LRRTM3: variants seen among roughly 807,000 people sequenced by gnomAD.
LRRTM3 encodes leucine rich repeat transmembrane neuronal 3, also known as leucine-rich repeat transmembrane neuronal protein 3.
In LRRTM3, 24 loss-of-function variants were observed where a neutral mutation model predicts 44.7. The ratio of observed to expected loss-of-function variants is 0.54; its 90% CI spans 0.39 to 0.76. The LOEUF is 0.76. Among genes scored for constraint, LRRTM3 ranks in the 30% least tolerant of loss-of-function variants. The pLI, the probability that LRRTM3 is intolerant of heterozygous loss-of-function variation, is 0.00. For missense variants in LRRTM3, 587 were observed against 702.2 expected (o/e 0.84, Z 1.85); for synonymous variants, 277 against 278.7 (o/e 0.99, Z 0.06).
rs1161340184 is a variant in LRRTM3 at position 66,928,309 on chromosome 10, A to G, written c.1393A>G (p.Lys465Glu). ...CCTCATGCGAAGGCACAGGAAAAAG[A>G]AAAGACAGTCCCTAAAGCAAATGAC... Reference protein sequence around the residue: ...RSLMRRHRKKKRQSLKQMTPS... With the variant: ...RSLMRRHRKKERQSLKQMTPS... The change falls in exon 2 of 3, where the codon AAA (lysine) becomes GAA (glutamate). Residue 465 changes from lysine to glutamate, a missense_variant. Physicochemically the swap from Lys to Glu is moderately conservative, Grantham distance 56. Coordinates refer to ENST00000361320, the MANE Select transcript of LRRTM3 (RefSeq NM_178011.5). The G allele has an allele frequency of 6.2e-7, 1 of 1,614,074 alleles. No individual in the cohort carries two copies. Among genetic ancestry groups the G allele is most frequent in the African/African-American group, 1.3e-5 (1 of 74,932 alleles).
chr10:67,011,067 C>T (rs747061546), intron 2 of LRRTM3, among the ~76,000 whole-genome samples: 1 of 152,082 alleles, frequency 6.6e-6, no homozygotes, highest in Non-Finnish European at 1.5e-5. Context: ...CGGTGGCTCA[C>T]GCCTGTAATC....
chr10:67,001,713 T>G (rs1851701460), intron 2 of LRRTM3, among the ~76,000 whole-genome samples: 2 of 152,080 alleles, frequency 1.3e-5, no homozygotes, highest in African/African-American at 4.8e-5. Flanking sequence ...AAACTGTGAT[T>G]TACATACATC....
At chr10:66,994,709 G>A (rs1423587727) in intron 2 of LRRTM3, among the ~76,000 whole-genome samples, 2 of 152,088 alleles carry the variant, frequency 1.3e-5, no homozygotes, top group Non-Finnish European at 2.9e-5. Context: ...ATTAAGATAA[G>A]GAATAGCTTG....
chr10:66,941,411 A>AAT (rs1847986715), intron 2 of LRRTM3, among the ~76,000 whole-genome samples: 1 of 152,222 alleles, frequency 6.6e-6, no homozygotes, highest in Admixed American at 6.5e-5. Flanking sequence ...CTGCCAGGAG[A>AAT]ATATCTTAGG....
At chr10:67,049,984 G>T (rs7901878) in intron 2 of LRRTM3, among the ~76,000 whole-genome samples, 98,258 of 152,050 alleles carry the variant, frequency 0.65, 32,189 homozygotes, top group East Asian at 0.78. Flanking sequence ...ATCTTTAAAT[G>T]TATTATTTAA....
intron 2 of LRRTM3, among the ~76,000 whole-genome samples, chr10:66,983,262 A>C (rs1028517226): frequency 6.6e-6 from 1 of 152,150 alleles, no homozygotes; most frequent in Non-Finnish European, 1.5e-5. Flanking sequence ...GCCCCCTCCC[A>C]GCCATGTTCC....
At chr10:67,024,433 G>A (rs185317366) in intron 2 of LRRTM3, among the ~76,000 whole-genome samples, 4 of 152,252 alleles carry the variant, frequency 2.6e-5, no homozygotes, top group African/African-American at 7.2e-5. Context: ...TAATTGTTCT[G>A]CAAAATCTCT....
At chr10:66,993,478 T>C (rs528106287) in intron 2 of LRRTM3, among the ~76,000 whole-genome samples, 1 of 152,268 alleles carries the variant, frequency 6.6e-6, no homozygotes, top group African/African-American at 2.4e-5. Flanking sequence ...AACAATCTAT[T>C]GCATTCTGGC....
rs528579784 is a variant in LRRTM3, at chr10:66,974,390, G to T, written c.1536+45938G>T. ...TGTATTCCTATACAGCACACTTTAC[G>T]CATTCACCTGTTGGTGTTGATGGAC... On this transcript the variant is annotated intron_variant, in intron 2 of 2. Transcript: ENST00000361320. Among the ~76,000 whole-genome samples, 12 of 152,248 alleles carry T rather than the reference G, an allele frequency of 7.9e-5. No individual in the cohort carries two copies. The South Asian group carries it at 1.9e-3, about 24-fold the overall frequency.
chr10:67,039,080 G>T (rs1288234673), intron 2 of LRRTM3, among the ~76,000 whole-genome samples: 1 of 151,976 alleles, frequency 6.6e-6, no homozygotes, highest in Non-Finnish European at 1.5e-5. Context: ...TATTTTTACA[G>T]TTTCTACCTG....
At chr10:67,023,586 G>A (rs913148355) in intron 2 of LRRTM3, among the ~76,000 whole-genome samples, 2 of 152,126 alleles carry the variant, frequency 1.3e-5, no homozygotes, top group African/African-American at 4.8e-5. Context: ...TGTCAGACAA[G>A]GTGATGATCC....
intron 2 of LRRTM3, among the ~76,000 whole-genome samples, chr10:67,064,171 C>A: frequency 6.6e-6 from 1 of 152,078 alleles, no homozygotes; most frequent in East Asian, 1.9e-4. Flanking sequence ...ACTTATCTTT[C>A]ATCTTACATC....
At chr10:67,064,525 G>T (rs559732941) in intron 2 of LRRTM3, among the ~76,000 whole-genome samples, 37 of 152,104 alleles carry the variant, frequency 2.4e-4, no homozygotes, top group Admixed American at 3.9e-4. Context: ...TTATTAGTCA[G>T]CAAGCTTTCT....
intron 2 of LRRTM3, among the ~76,000 whole-genome samples, chr10:67,079,249 C>T (rs140901147): frequency 1.3e-5 from 2 of 152,220 alleles, no homozygotes; most frequent in East Asian, 3.9e-4. Flanking sequence ...TGTTATAGAA[C>T]AAGGGGAAGA....
intron 2 of LRRTM3, among the ~76,000 whole-genome samples, chr10:67,049,872 T>A (rs1490589793): frequency 1.3e-5 from 2 of 152,212 alleles, no homozygotes; most frequent in Non-Finnish European, 2.9e-5. Context: ...ACATTTTGTA[T>A]TAGCCTATGT....
chr10:66,949,799 C>T (rs920230371), intron 2 of LRRTM3, among the ~76,000 whole-genome samples: 51 of 150,924 alleles, frequency 3.4e-4, no homozygotes, highest in African/African-American at 1.2e-3. Flanking sequence ...CCAATGCACA[C>T]CTAAAAGGAT....
intron 2 of LRRTM3, among the ~76,000 whole-genome samples, chr10:66,967,397 T>C (rs1849488552): frequency 6.6e-6 from 1 of 151,790 alleles, no homozygotes; most frequent in Non-Finnish European, 1.5e-5. Flanking sequence ...TATGTGTATA[T>C]ACATATATAC....
chr10:67,058,158 T>C (rs925315670), intron 2 of LRRTM3, among the ~76,000 whole-genome samples: 22 of 152,302 alleles, frequency 1.4e-4, no homozygotes, highest in African/African-American at 5.1e-4. Context: ...GTTCCTATAA[T>C]CTTAGGAAAT....
intron 2 of LRRTM3, among the ~76,000 whole-genome samples, chr10:67,075,385 G>A (rs1158878849): frequency 6.6e-6 from 1 of 152,128 alleles, no homozygotes; most frequent in Non-Finnish European, 1.5e-5. Flanking sequence ...TGAGAGAGAT[G>A]CCAGTTTTAC....
Sources: allele counts gnomAD v4.1 joint callset (sites outside exome capture counted in the v4.1 genomes callset), GRCh38; gene constraint gnomAD v4.1.1; transcripts MANE v1.5; gene names NCBI Gene and HGNC (gene_info 2026-07-23, HGNC 2026-07-21).